OOSP4B: variants seen among roughly 807,000 people sequenced by gnomAD.
OOSP4B encodes oocyte-secreted protein 4B.
intron 1 of OOSP4B, among the ~76,000 whole-genome samples, chr11:60,019,224 G>GA (rs200631618): frequency 7.3e-5 from 11 of 150,740 alleles, no homozygotes; most frequent in Admixed American, 2.6e-4. Flanking sequence ...CTCTTTCTCA[G>GA]AAAAAAAATA....
At position 60,023,584 on chromosome 11, in the gene OOSP4B, G is replaced by A. The variant is rs548533365; in HGVS notation, c.23-296G>A. Among the ~76,000 whole-genome samples the A allele has an allele frequency of 4.9e-4, 75 of 152,156 alleles. 2 individuals carry two copies. In the South Asian group the frequency reaches 0.014, roughly 28 times the overall value. On this transcript the variant is annotated intron_variant, in intron 1 of 4. Coordinates refer to ENST00000642343, the Ensembl canonical transcript of OOSP4B. The stretch of plus-strand genomic sequence containing the variant: ...CAAGTAGCTGGGATTACAGGGGCAC[G>A]CCACCATGCTTGGATAATTTTTGCA...
chr11:60,023,135 C>A, intron 1 of OOSP4B, among the ~76,000 whole-genome samples: 1 of 152,176 alleles, frequency 6.6e-6, no homozygotes, highest in Non-Finnish European at 1.5e-5. Flanking sequence ...ACTACGTTCA[C>A]TCTAAATATG....
chr11:60,027,033 A>AG, intron 3 of OOSP4B, among the ~76,000 whole-genome samples: 1 of 152,108 alleles, frequency 6.6e-6, no homozygotes, highest in Non-Finnish European at 1.5e-5. Context: ...GTACATATAT[A>AG]GGTTTGTTAC....
chr11:60,021,804 C>CGAA (rs1216944988), intron 1 of OOSP4B, among the ~76,000 whole-genome samples: 2 of 151,866 alleles, frequency 1.3e-5, no homozygotes, highest in Non-Finnish European at 2.9e-5. Context: ...GCCAGCCTGG[C>CGAA]GAAACCCTGT....
rs962066946 is a variant in OOSP4B at position 60,026,281 on chromosome 11, G to A, written c.302+1276G>A. 2.6e-5 allele frequency among the ~76,000 whole-genome samples: 4 copies of A among 152,160 alleles called. No individual in the cohort carries two copies. The South Asian group carries it at 8.3e-4, about 32-fold the overall frequency. ...GTTTTATGGTTTTGAATATATTTGGGTTTATAATCCATCTGAACTTAATTT... is the reference window on the plus strand; with the variant it reads ...GTTTTATGGTTTTGAATATATTTGGATTTATAATCCATCTGAACTTAATTT... On this transcript the variant is annotated intron_variant, in intron 3 of 4. Coordinates refer to ENST00000642343, the Ensembl canonical transcript of OOSP4B.
intron 1 of OOSP4B, among the ~76,000 whole-genome samples, chr11:60,020,840 G>A (rs958625750): frequency 6.6e-5 from 10 of 152,226 alleles, no homozygotes; most frequent in African/African-American, 2.4e-4. Flanking sequence ...AACCCAGGAG[G>A]TGGAGGTTGC....
At chr11:60,022,753 T>C (rs1854706321) in intron 1 of OOSP4B, among the ~76,000 whole-genome samples, 1 of 152,158 alleles carries the variant, frequency 6.6e-6, no homozygotes, top group South Asian at 2.1e-4. Flanking sequence ...GTTTTTTTTT[T>C]TTCCCCTAGG....
chr11:60,024,657 C>T (rs941095259), intron 2 of OOSP4B, among the ~76,000 whole-genome samples: 2 of 152,184 alleles, frequency 1.3e-5, no homozygotes, highest in African/African-American at 4.8e-5. Flanking sequence ...GGAAAAAGCA[C>T]ATATACTTTA....
At chr11:60,020,946 C>T (rs924073617) in intron 1 of OOSP4B, among the ~76,000 whole-genome samples, 2 of 152,214 alleles carry the variant, frequency 1.3e-5, no homozygotes, top group African/African-American at 4.8e-5. Flanking sequence ...CAGAGTACTA[C>T]CAATCTATTT....
chr11:60,024,517 GT>G (rs1854725668), intron 2 of OOSP4B, among the ~76,000 whole-genome samples: 2 of 152,300 alleles, frequency 1.3e-5, no homozygotes, highest in South Asian at 4.2e-4. Flanking sequence ...TCCAGCCTGG[GT>G]GATAAGTGAA....
chr11:60,024,662 A>G (rs1324895119), intron 2 of OOSP4B, among the ~76,000 whole-genome samples: 2 of 152,190 alleles, frequency 1.3e-5, no homozygotes, highest in African/African-American at 2.4e-5. Context: ...AAGCACATAT[A>G]CTTTAAAACA....
At chr11:60,019,275 A>G (rs1167291580) in intron 1 of OOSP4B, among the ~76,000 whole-genome samples, 1 of 152,160 alleles carries the variant, frequency 6.6e-6, no homozygotes, top group South Asian at 2.1e-4. Context: ...ACACTTTGGG[A>G]GGCCTAGGCA....
chr11:60,017,598 T>C (rs1359018097), intron 1 of OOSP4B, among the ~76,000 whole-genome samples, 185 bp downstream of exon 1: 3 of 152,212 alleles, frequency 2.0e-5, no homozygotes, highest in Non-Finnish European at 4.4e-5. Flanking sequence ...GGCTGCCTGT[T>C]TCTATTACTC....
At chr11:60,026,084 C>G (rs1339841877) in intron 3 of OOSP4B, among the ~76,000 whole-genome samples, 2 of 152,130 alleles carry the variant, frequency 1.3e-5, no homozygotes, top group African/African-American at 4.8e-5. Flanking sequence ...AGGACTTTGT[C>G]AGATGTATTT....
chr11:60,018,172 T>C (rs1477188613), intron 1 of OOSP4B, among the ~76,000 whole-genome samples: 1 of 152,216 alleles, frequency 6.6e-6, no homozygotes, highest in East Asian at 1.9e-4. Context: ...TGATGTCGGC[T>C]GCGTCTAATG....
At chr11:60,024,855 A>C (rs1400101594) in intron 2 of OOSP4B, 53 bp from the exon 3 acceptor site, 1 of 397,722 alleles carries the variant, frequency 2.5e-6, no homozygotes, top group African/African-American at 2.1e-5. Flanking sequence ...AAGATCATTA[A>C]GCCACCAAAA....
At chr11:60,023,635 T>A (rs958822776) in intron 1 of OOSP4B, among the ~76,000 whole-genome samples, 1 of 152,282 alleles carries the variant, frequency 6.6e-6, no homozygotes, top group South Asian at 2.1e-4. Context: ...GGTTTCACCA[T>A]GTTGGCCAGG....
chr11:60,027,887 C>A (rs1854760503), intron 3 of OOSP4B, among the ~76,000 whole-genome samples: 1 of 151,106 alleles, frequency 6.6e-6, no homozygotes, highest in Non-Finnish European at 1.5e-5. Flanking sequence ...TTGCAGTGAG[C>A]TGAGATAGCG....
chr11:60,020,461 G>A (rs922948207), intron 1 of OOSP4B, among the ~76,000 whole-genome samples: 3 of 152,212 alleles, frequency 2.0e-5, no homozygotes, highest in African/African-American at 7.2e-5. Flanking sequence ...TGGTCCAGGT[G>A]CTAAGCCCCT....
Sources: gnomAD v4.1 joint callset for allele counts (sites outside exome capture counted in the v4.1 genomes callset) on GRCh38, gnomAD v4.1.1 for gene constraint, MANE v1.5 for transcripts, NCBI Gene and HGNC (gene_info 2026-07-23, HGNC 2026-07-21) for gene names.